The following FCHO2 variants were observed in gnomAD, a reference collection of about 807,000 sequenced individuals.
FCHO2 encodes the protein FCH and mu domain containing endocytic adaptor 2.
FCHO2 carries 43 observed loss-of-function variants against 114.1 expected under a neutral mutation model. That is an observed-to-expected ratio of 0.38 (90% CI 0.30 to 0.49). The LOEUF (loss-of-function observed/expected upper bound fraction) is 0.49. Among genes scored for constraint, FCHO2 ranks in the 20% least tolerant of loss-of-function variants. The pLI is 0.97. For missense variants in FCHO2, 807 were observed against 950.4 expected (o/e 0.85, Z 1.98); for synonymous variants, 293 against 315.2 (o/e 0.93, Z 0.75).
At chr5:72,968,252 A>G (rs1262392774) in intron 1 of FCHO2, among the ~76,000 whole-genome samples, 1 of 152,174 alleles carries the variant, frequency 6.6e-6, no homozygotes. Context: ...TTGTACCTTT[A>G]TGGGTGATTA....
chr5:73,015,460 A>G (rs891702687), intron 6 of FCHO2, among the ~76,000 whole-genome samples, 166 bp from the exon 7 acceptor site: 4 of 151,854 alleles, frequency 2.6e-5, no homozygotes. Context: ...ACAGGGTTTC[A>G]CCATGTTGGC....
chr5:72,962,261 T>G (rs1751915808), intron 1 of FCHO2, among the ~76,000 whole-genome samples: 1 of 152,192 alleles, frequency 6.6e-6, no homozygotes, highest in Admixed American at 6.5e-5. Context: ...CTTTGACATT[T>G]GAAAGGATAT....
At chr5:73,009,222 A>G (rs918407508) in intron 6 of FCHO2, among the ~76,000 whole-genome samples, 4 of 152,258 alleles carry the variant, frequency 2.6e-5, no homozygotes, top group Non-Finnish European at 5.9e-5. Flanking sequence ...AACTGAGGTC[A>G]TTGCAGGCTT....
At chr5:73,038,521 A>G (rs1461723712) in intron 10 of FCHO2, among the ~76,000 whole-genome samples, 1 of 152,222 alleles carries the variant, frequency 6.6e-6, no homozygotes, top group Non-Finnish European at 1.5e-5. Flanking sequence ...CAGCTTCCCT[A>G]GCATAATCAA....
chr5:73,003,134 A>C (rs1340439913), intron 5 of FCHO2, among the ~76,000 whole-genome samples: 1 of 151,912 alleles, frequency 6.6e-6, no homozygotes, highest in African/African-American at 2.4e-5. Flanking sequence ...CTTCTTGAGT[A>C]GCTGGGACCA....
intron 1 of FCHO2, among the ~76,000 whole-genome samples, chr5:72,961,750 A>G (rs1297294816): frequency 6.6e-6 from 1 of 152,116 alleles, no homozygotes; most frequent in Non-Finnish European, 1.5e-5. Context: ...ATGCACCACC[A>G]TGCCTGGCTA....
At chr5:73,051,043 A>G (rs772637678) in intron 11 of FCHO2, 4 of 278,520 alleles carry the variant, frequency 1.4e-5, no homozygotes, top group African/African-American at 2.3e-5. Context: ...TATAACAGAA[A>G]CTGTAGATTT....
chr5:73,022,644 C>T (rs2112762796), intron 8 of FCHO2, among the ~76,000 whole-genome samples: 1 of 152,300 alleles, frequency 6.6e-6, no homozygotes, highest in South Asian at 2.1e-4. Context: ...AGTGTTGGTA[C>T]TCATGTTGAA....
rs1338440913 is a variant in FCHO2, at chr5:72,956,079, C to T, written c.-18C>T. On this transcript the variant is annotated 5_prime_UTR_variant, in exon 1 of 26. Transcript: ENST00000430046. ...GGCGGGCGGGCGCGGACGCGGAACC[C>T]GGCGCGGCGGCGGCACGATGGTCAT... 1.1e-5 allele frequency: 17 copies of T among 1,539,172 alleles called. No homozygotes were observed. Among genetic ancestry groups the T allele is most frequent in the South Asian group, 3.6e-5 (3 of 82,566 alleles).
In FCHO2 at chr5:73,089,171, G is replaced by C. The variant is rs1185767953; in HGVS notation, c.*1081G>C. On this transcript the variant is annotated 3_prime_UTR_variant, in exon 26 of 26. Transcript: ENST00000430046. The stretch of plus-strand genomic sequence containing the variant: ...ACTTGACATTAACCTCATCAAAAGT[G>C]TGTGAATTTTAAAACAAATTCTAAA... 1 of 152,494 alleles carries C rather than the reference G, an allele frequency of 6.6e-6. No homozygotes were observed. Among genetic ancestry groups the C allele is most frequent in the South Asian group, 2.1e-4 (1 of 4,830 alleles). 9.4% of individuals were successfully genotyped at this position (152,494 alleles called of 1,614,324 possible). A position where few individuals can be genotyped will look rare whatever the true frequency, so the allele number is the denominator to read the frequency against.
rs901975545 is a variant in FCHO2 at position 73,063,855 on chromosome 5, C to G, written c.1360C>G (p.Pro454Ala). Residue 454 changes from proline (P) to alanine (A), a missense_variant, in exon 18 of 26, where the codon CCT (proline) becomes GCT (alanine). By Grantham distance (27) the Pro-to-Ala change is conservative (BLOSUM62 -1). Coordinates refer to ENST00000430046, the MANE Select transcript of FCHO2 (RefSeq NM_138782.3). ...CCCTCAACCAGCCAGGCCCACAACT[C>G]CTCTTTCTGTAGGCACCATTGTCCC... ...TSSSSARPTTPLSVGTIVPPP... is the reference protein window; with the variant it reads ...TSSSSARPTTALSVGTIVPPP... 2 of 1,611,790 alleles carry G rather than the reference C, an allele frequency of 1.2e-6. No individual in the cohort carries two copies. Among genetic ancestry groups the G allele is most frequent in the Non-Finnish European group, 8.5e-7 (1 of 1,178,716 alleles).
chr5:73,079,108 T>C (rs1362075917), intron 22 of FCHO2, among the ~76,000 whole-genome samples: 1 of 152,200 alleles, frequency 6.6e-6, no homozygotes, highest in Non-Finnish European at 1.5e-5. Flanking sequence ...CAAGAATTTT[T>C]TATTTTAAAG....
chr5:73,008,051 G>A (rs1754812806), intron 6 of FCHO2, among the ~76,000 whole-genome samples: 1 of 152,070 alleles, frequency 6.6e-6, no homozygotes, highest in African/African-American at 2.4e-5. Context: ...CCTGAGTAAG[G>A]GAAAATGGTA....
At chr5:73,027,784 A>G (rs768457276) in intron 8 of FCHO2, among the ~76,000 whole-genome samples, 1 of 152,178 alleles carries the variant, frequency 6.6e-6, no homozygotes, top group Non-Finnish European at 1.5e-5. Context: ...AAAAATATAT[A>G]TATTTATGAA....
intron 2 of FCHO2, among the ~76,000 whole-genome samples, chr5:72,977,870 A>G (rs1346585197): frequency 6.6e-6 from 1 of 152,218 alleles, no homozygotes; most frequent in Non-Finnish European, 1.5e-5. Context: ...CATTTATTAA[A>G]TAGGGAATCT....
intron 8 of FCHO2, chr5:73,020,619 G>T: frequency 1.3e-6 from 1 of 753,248 alleles, no homozygotes; most frequent in Non-Finnish European, 2.4e-6. Flanking sequence ...TGGGTTGGAG[G>T]TGGGGTTGGT....
intron 5 of FCHO2, among the ~76,000 whole-genome samples, chr5:72,995,981 A>T (rs1017812826): frequency 2.6e-5 from 4 of 152,080 alleles, no homozygotes; most frequent in Non-Finnish European, 5.9e-5. Context: ...GGTGGCTCAC[A>T]CTTGTAATCC....
In FCHO2 at chr5:73,052,442, A is replaced by G. The variant is rs1044551212; in HGVS notation, c.1108A>G (p.Thr370Ala). 6.9e-6 allele frequency: 11 copies of G among 1,601,496 alleles called. No individual in the cohort carries two copies. In the African/African-American group the frequency reaches 1.2e-4, roughly 18 times the overall value. ...KPMHPNNSHH[T>A]MASLDELKVS... ...TATGCATCCAAATAACTCACATCAC[A>G]CAATGGCTTCTTTGGATGAATTAAA... Residue 370 changes from threonine to alanine, a missense_variant, in exon 13 of 26, where the codon ACA becomes GCA. Thr to Ala is a moderately conservative substitution (Grantham distance 58). Transcript: ENST00000430046.
In FCHO2 at chr5:73,043,826, T is replaced by TA. The variant is rs1756926235; in HGVS notation, c.939+2512dup. On this transcript the variant is annotated intron_variant, in intron 11 of 25. Transcript: ENST00000430046. ...TGTGGATACCTTTGGGGCCAAGAAT[T>TA]ACAGTGATCAGTAGAGAAAGGAGAC... Among the ~76,000 whole-genome samples the TA allele has an allele frequency of 3.3e-5, 5 of 152,302 alleles. No homozygotes were observed. In the South Asian group the frequency reaches 1.0e-3, roughly 32 times the overall value.
Sources: allele counts gnomAD v4.1 joint callset (sites outside exome capture counted in the v4.1 genomes callset), GRCh38; gene constraint gnomAD v4.1.1; transcripts MANE v1.5; gene names NCBI Gene and HGNC (gene_info 2026-07-23, HGNC 2026-07-21).